The following DAB1 variants were observed in gnomAD, a reference collection of about 807,000 sequenced individuals.
The protein encoded by DAB1 is DAB adaptor protein 1.
Under a neutral mutation model 64.6 loss-of-function variants are expected in DAB1, and 15 were observed. That is an observed-to-expected ratio of 0.23 (90% confidence interval 0.16 to 0.36). DAB1 has a LOEUF of 0.36. DAB1 is among the 10% of genes least tolerant of loss of function. The probability of loss-of-function intolerance (pLI) is 1.00; values close to 1 mark genes in which losing one functional copy is unlikely to be tolerated. For synonymous variants in DAB1, 235 were observed against 251.9 expected, an observed-to-expected ratio of 0.93 and a Z score of 0.64; for missense variants, 596 against 706.7, an observed-to-expected ratio of 0.84 and a Z score of 1.78.
intron 7 of DAB1, among the ~76,000 whole-genome samples, chr1:57,638,932 G>A (rs1330867411): frequency 6.6e-6 from 1 of 151,668 alleles, no homozygotes; most frequent in Non-Finnish European, 1.5e-5. Flanking sequence ...ACTTTATAAA[G>A]TTCTTCATAA....
intron 3 of DAB1, among the ~76,000 whole-genome samples, chr1:58,492,911 T>C (rs1307689865): frequency 6.6e-6 from 1 of 152,154 alleles, no homozygotes; most frequent in Non-Finnish European, 1.5e-5. Context: ...CCCTAACTCA[T>C]TTTATGAGGC....
intron 5 of DAB1, among the ~76,000 whole-genome samples, chr1:58,123,127 C>T (rs1046320992): frequency 2.6e-5 from 4 of 152,156 alleles, no homozygotes; most frequent in African/African-American, 4.8e-5. Flanking sequence ...CTTCCTAGAG[C>T]TGGCCCCTGA....
intron 5 of DAB1, among the ~76,000 whole-genome samples, chr1:57,912,266 T>A (rs1416847258): frequency 4.6e-5 from 7 of 152,176 alleles, no homozygotes; most frequent in African/African-American, 1.2e-4. Context: ...TGCAGCAATC[T>A]AATTTCGTGG....
intron 6 of DAB1, among the ~76,000 whole-genome samples, chr1:57,661,956 A>G (rs1348314378): frequency 6.6e-6 from 1 of 152,102 alleles, no homozygotes; most frequent in Non-Finnish European, 1.5e-5. Context: ...TCAGGAATAA[A>G]AGGAATGTTG....
At chr1:57,684,533 A>T (rs1378259067) in intron 6 of DAB1, among the ~76,000 whole-genome samples, 2 of 152,218 alleles carry the variant, frequency 1.3e-5, no homozygotes, top group Admixed American at 6.5e-5. Context: ...ACTAAGCTTC[A>T]TAAACTAAAA....
chr1:57,671,842 T>C (rs527765645), intron 6 of DAB1, among the ~76,000 whole-genome samples: 1 of 152,218 alleles, frequency 6.6e-6, no homozygotes, highest in African/African-American at 2.4e-5. Context: ...TATTACTTTG[T>C]TAATGCCTCT....
At chr1:57,360,337 C>T (rs1049771598) in intron 1 of DAB1, among the ~76,000 whole-genome samples, 1 of 151,968 alleles carries the variant, frequency 6.6e-6, no homozygotes, top group Non-Finnish European at 1.5e-5. Flanking sequence ...ACAAACTGCC[C>T]ATCAGACTAC....
At chr1:58,083,751 C>G (rs1379668489) in intron 5 of DAB1, among the ~76,000 whole-genome samples, 1 of 152,072 alleles carries the variant, frequency 6.6e-6, no homozygotes, top group Non-Finnish European at 1.5e-5. Flanking sequence ...AACAGACACA[C>G]AAATACAAAA....
rs71051215 is a variant in DAB1, at chr1:57,053,666, G to GTATA, written c.723+9214_723+9217dup. Among the ~76,000 whole-genome samples, 458 of 99,090 alleles carry GTATA rather than the reference G, an allele frequency of 4.6e-3. 7 individuals carry two copies. Among genetic ancestry groups the GTATA allele is most frequent in the Middle Eastern group, 0.016 (2 of 128 alleles). The allele number at this position is 99,090 out of a possible 152,430, so 65.0% of individuals were successfully genotyped here. A position where few individuals can be genotyped will look rare whatever the true frequency, so the allele number is the denominator to read the frequency against. ...AATCTCTCTCTCTCTCTCTCTATAT[G>GTATA]TATATATATATATATATATATATTT... On this transcript the variant is annotated intron_variant, in intron 9 of 14. Transcript: ENST00000371236.
intron 1 of DAB1, among the ~76,000 whole-genome samples, chr1:57,387,838 A>AAAAAAG (rs59597761): frequency 5.5e-5 from 8 of 146,762 alleles, no homozygotes; most frequent in African/African-American, 1.0e-4. Flanking sequence ...AAAAAAAAAA[A>AAAAAAG]AGAGAGAGAA....
intron 7 of DAB1, among the ~76,000 whole-genome samples, chr1:57,496,438 T>C (rs968085681): frequency 6.6e-6 from 1 of 152,218 alleles, no homozygotes; most frequent in African/African-American, 2.4e-5. Context: ...GAACCTTCAA[T>C]GGTGCCCAGT....
In DAB1 at chr1:56,996,426, T is replaced by C. The variant is rs1055815643; in HGVS notation, c.*1718A>G. 6.6e-6 allele frequency: 1 copy of C among 152,188 alleles called. No individual in the cohort carries two copies. Among genetic ancestry groups the C allele is most frequent in the Non-Finnish European group, 1.5e-5 (1 of 68,040 alleles). 9.4% of individuals were successfully genotyped at this position (152,188 alleles called of 1,614,324 possible). ...TCTCTGTAGGGCAAAAATATATAGA[T>C]TCTTTATGAAAATCATGTGCTAAAC... is the stretch of plus-strand genomic sequence containing the variant. On this transcript the variant is annotated 3_prime_UTR_variant, in exon 15 of 15. Transcript: ENST00000371236.
At chr1:57,282,408 G>C (rs1221362716) in intron 2 of DAB1, among the ~76,000 whole-genome samples, 3 of 152,076 alleles carry the variant, frequency 2.0e-5, no homozygotes, top group African/African-American at 7.2e-5. Context: ...CAAAGGGCTT[G>C]ATGTATTGTC....
chr1:57,405,821 T>C (rs1027067266), intron 1 of DAB1, among the ~76,000 whole-genome samples: 3 of 152,206 alleles, frequency 2.0e-5, no homozygotes, highest in Non-Finnish European at 4.4e-5. Context: ...CATCCTTATT[T>C]CACCTAAATA....
chr1:57,400,953 C>G (rs1351849667), intron 1 of DAB1, among the ~76,000 whole-genome samples: 1 of 148,832 alleles, frequency 6.7e-6, no homozygotes, highest in Non-Finnish European at 1.5e-5. Flanking sequence ...CATGCAAAAA[C>G]AGTCTCTAAA....
At chr1:57,500,699 A>G (rs1453676348) in intron 7 of DAB1, among the ~76,000 whole-genome samples, 1 of 152,258 alleles carries the variant, frequency 6.6e-6, no homozygotes. Context: ...AATCAGACAT[A>G]GAAAAATCCA....
At chr1:58,063,186 A>C (rs984903378) in intron 5 of DAB1, among the ~76,000 whole-genome samples, 10 of 152,166 alleles carry the variant, frequency 6.6e-5, no homozygotes, top group African/African-American at 2.4e-4. Flanking sequence ...ATAATTACAG[A>C]AAATAAGGCA....
At chr1:57,201,442 C>T (rs1006653941) in intron 2 of DAB1, among the ~76,000 whole-genome samples, 2 of 152,002 alleles carry the variant, frequency 1.3e-5, no homozygotes, top group African/African-American at 4.8e-5. Context: ...TTCTTTATCC[C>T]TGCCACTTAC....
At chr1:57,000,287 G>A (rs752476833) in intron 14 of DAB1, among the ~76,000 whole-genome samples, 18 of 151,872 alleles carry the variant, frequency 1.2e-4, no homozygotes, top group South Asian at 4.2e-4. Flanking sequence ...CTTGTGATCC[G>A]CCCACCTCGG....
Sources: gnomAD v4.1 joint callset for allele counts (sites outside exome capture counted in the v4.1 genomes callset) on GRCh38, gnomAD v4.1.1 for gene constraint, MANE v1.5 for transcripts, NCBI Gene and HGNC (gene_info 2026-07-23, HGNC 2026-07-21) for gene names.